Variants in PAX2 observed in about 807,000 individuals in gnomAD.
The protein encoded by PAX2 is paired box 2.
PAX2 carries 9 observed loss-of-function variants against 41.7 expected under a neutral mutation model. The observed-to-expected ratio is 0.22, with a 90% CI of 0.13 to 0.38. The LOEUF (loss-of-function observed/expected upper bound fraction) is 0.38, where lower values mean the gene tolerates loss of function less well. PAX2 is among the 10% of genes least tolerant of loss of function. PAX2 has a pLI of 1.00. For synonymous variants in PAX2, 221 were observed against 212.7 expected (o/e 1.04, Z -0.34); for missense variants, 418 against 531.6 (o/e 0.79, Z 2.10).
Position 100,827,781 on chromosome 10 carries a change from AC to A in PAX2, c.*168del. 9.9e-7 allele frequency: 1 copy of A among 1,010,254 alleles called. No homozygotes were observed. Among genetic ancestry groups the A allele is most frequent in the Non-Finnish European group, 1.5e-6 (1 of 680,472 alleles). 62.6% of individuals were successfully genotyped at this position (1,010,254 alleles called of 1,614,324 possible). On this transcript the variant is annotated 3_prime_UTR_variant, in exon 10 of 10. Transcript: ENST00000355243. The surrounding 1 kb of genome is among the most constrained non-coding windows in gnomAD (Gnocchi z 8.5). The stretch of plus-strand genomic sequence containing the variant: ...CACGACCCCCGCAACCCTTCACATC[AC>A]CCCCCTCGAAGGTCGGACAGGACGG...
intron 3 of PAX2, among the ~76,000 whole-genome samples, chr10:100,777,802 G>A (rs11190700): frequency 0.18 from 27,319 of 152,212 alleles, 2,691 homozygotes; most frequent in Middle Eastern, 0.31. Context: ...CGAATTAACA[G>A]TAATATATAT....
upstream of PAX2, among the ~76,000 whole-genome samples, chr10:100,743,101 C>T (rs375963641): frequency 4.6e-5 from 7 of 151,862 alleles, no homozygotes; most frequent in Non-Finnish European, 1.0e-4. Flanking sequence ...AATGGGGAAG[C>T]GGCCAGGAGC....
At position 100,781,356 on chromosome 10, in the gene PAX2, C is replaced by A; in HGVS notation, c.607C>A (p.Arg203Ser). 6.2e-7 allele frequency: 1 copy of A among 1,614,036 alleles called. No homozygotes were observed. Among genetic ancestry groups the A allele is most frequent in the Non-Finnish European group, 8.5e-7 (1 of 1,179,908 alleles). ...IPRSNGEKRK[R>S]DEDVSEGSVP... Reference sequence around the variant, plus strand: ...TCGCTCCAATGGTGAGAAGAGGAAACGTGATGAAGGTAGGGAGGAGGGAAG... The same window carrying A: ...TCGCTCCAATGGTGAGAAGAGGAAAAGTGATGAAGGTAGGGAGGAGGGAAG... Residue 203 changes from arginine (R) to serine (S), a missense_variant, in exon 5 of 10, where the codon CGT (arginine) becomes AGT (serine). By Grantham distance (110) the Arg-to-Ser change is moderately radical. Transcript: ENST00000355243.
At chr10:100,789,989 C>T (rs1201834923) in intron 5 of PAX2, among the ~76,000 whole-genome samples, 1 of 152,162 alleles carries the variant, frequency 6.6e-6, no homozygotes, top group Non-Finnish European at 1.5e-5. Flanking sequence ...AGGGGTTTAG[C>T]CCTGGCTGTG....
At chr10:100,736,870 C>T (rs927841875) in intron 1 of PAX2, among the ~76,000 whole-genome samples, 8 of 152,136 alleles carry the variant, frequency 5.3e-5, no homozygotes, top group Non-Finnish European at 1.5e-5. Flanking sequence ...AAATTAAAAG[C>T]GAGTACAAAA....
At position 100,745,764 on chromosome 10, in the gene PAX2, G is replaced by C. The variant is rs954757392; in HGVS notation, c.-497G>C. 2.0e-6 allele frequency: 2 copies of C among 1,025,496 alleles called. No homozygotes were observed. The highest frequency in any genetic ancestry group is 2.3e-6 in the Non-Finnish European group (2 of 854,618). 63.5% of individuals were successfully genotyped at this position (1,025,496 alleles called of 1,614,324 possible). A position where few individuals can be genotyped will look rare whatever the true frequency, so the allele number is the denominator to read the frequency against. ...CGCAGGCGCCACCTCGGACATCCCC[G>C]GGATTGCTACTTCTCTGCCAACTTC... On this transcript the variant is annotated 5_prime_UTR_variant, in exon 1 of 10. Transcript: ENST00000355243.
chr10:100,772,773 G>A (rs2133880958), intron 3 of PAX2, among the ~76,000 whole-genome samples: 1 of 152,316 alleles, frequency 6.6e-6, no homozygotes. Flanking sequence ...CCTCAAGCCT[G>A]GTCATGTCAC....
At chr10:100,758,429 C>T (rs1384772356) in intron 3 of PAX2, among the ~76,000 whole-genome samples, 3 of 151,576 alleles carry the variant, frequency 2.0e-5, no homozygotes, top group East Asian at 2.0e-4. Context: ...CGTGAGCCAC[C>T]GCGCCCGGCC....
chr10:100,743,864 G>A (rs1456374744), upstream of PAX2, among the ~76,000 whole-genome samples: 1 of 152,218 alleles, frequency 6.6e-6, no homozygotes, highest in African/African-American at 2.4e-5. Flanking sequence ...GCCACCCAAG[G>A]GAAGTGGGAT....
chr10:100,779,447 C>T (rs372061953), intron 3 of PAX2, 51 bp from the exon 4 acceptor site: 71 of 1,461,664 alleles, frequency 4.9e-5, no homozygotes, highest in Admixed American at 5.9e-5. Context: ...TGGAATTGGC[C>T]GGGATAGGAG....
At chr10:100,794,944 G>A (rs61873480) in intron 5 of PAX2, among the ~76,000 whole-genome samples, 4,982 of 152,140 alleles carry the variant, frequency 0.033, 121 homozygotes, top group Middle Eastern at 0.092. Flanking sequence ...AATTCTACCC[G>A]ATTAAGGTCA....
At chr10:100,739,014 G>GACACACACAC (rs61617727) in intron 1 of PAX2, among the ~76,000 whole-genome samples, 7,203 of 138,254 alleles carry the variant, frequency 0.052, 285 homozygotes, top group South Asian at 0.091. Flanking sequence ...CGCGCACGCG[G>GACACACACAC]ACACACACAC....
rs184993173 is a variant in PAX2, at chr10:100,796,848, G to A, written c.617-9582G>A. Among the ~76,000 whole-genome samples the A allele has an allele frequency of 3.4e-3, 522 of 152,278 alleles. 8 individuals carry two copies. Among genetic ancestry groups the A allele is most frequent in the Non-Finnish European group, 3.1e-3 (210 of 68,030 alleles). On this transcript the variant is annotated intron_variant, in intron 5 of 9. Transcript: ENST00000355243. ...AATAGTGGAAAGGGATCTGAGCTAG[G>A]AACCTCAGTTCCCATTCTTATGACG...
chr10:100,755,599 T>A (rs1209751305), intron 3 of PAX2, among the ~76,000 whole-genome samples: 1 of 152,182 alleles, frequency 6.6e-6, no homozygotes, highest in African/African-American at 2.4e-5. Flanking sequence ...TTATTACCGT[T>A]CATGGCCTGG....
At chr10:100,741,589 C>G (rs1271827841), upstream of PAX2, among the ~76,000 whole-genome samples, 1 of 152,080 alleles carries the variant, frequency 6.6e-6, no homozygotes, top group Non-Finnish European at 1.5e-5. Flanking sequence ...CGAGGGTATG[C>G]GCCCTGGGGT....
At chr10:100,770,877 C>T (rs988469040) in intron 3 of PAX2, among the ~76,000 whole-genome samples, 1 of 152,122 alleles carries the variant, frequency 6.6e-6, no homozygotes, top group African/African-American at 2.4e-5. Flanking sequence ...AAATGTGGAT[C>T]GATAGAGTAT....
At chr10:100,774,800 G>A (rs533057503) in intron 3 of PAX2, among the ~76,000 whole-genome samples, 6 of 152,206 alleles carry the variant, frequency 3.9e-5, no homozygotes, top group Non-Finnish European at 8.8e-5. Context: ...GGTTTCACAG[G>A]AAACAAGTAA....
intron 7 of PAX2, among the ~76,000 whole-genome samples, chr10:100,809,647 C>T (rs1159047892): frequency 6.6e-6 from 1 of 152,242 alleles, no homozygotes; most frequent in African/African-American, 2.4e-5. Context: ...GTCTCCAAGG[C>T]TCCTGGGGGA....
At chr10:100,764,937 A>C (rs1473466685) in intron 3 of PAX2, among the ~76,000 whole-genome samples, 1 of 152,160 alleles carries the variant, frequency 6.6e-6, no homozygotes, top group African/African-American at 2.4e-5. Context: ...AAACAGGAAG[A>C]GGAGGGGAAG....
Sources: gnomAD v4.1 joint callset for allele counts (sites outside exome capture counted in the v4.1 genomes callset) on GRCh38, gnomAD v4.1.1 for gene constraint, Gnocchi (gnomAD v3.1) non-coding constraint, MANE v1.5 for transcripts, NCBI Gene and HGNC (gene_info 2026-07-23, HGNC 2026-07-21) for gene names.